RFX3: variants seen among roughly 807,000 people sequenced by gnomAD.
RFX3 encodes the protein regulatory factor X3.
RFX3 carries 14 observed loss-of-function variants against 98.6 expected under a neutral mutation model. The observed-to-expected ratio is 0.14, with a 90% CI of 0.09 to 0.22. The LOEUF (loss-of-function observed/expected upper bound fraction) is 0.22. Ranked by LOEUF, RFX3 falls within the 10% of genes least tolerant of loss-of-function variation. RFX3 has a pLI of 1.00. For synonymous variants in RFX3, 383 were observed against 328.4 expected, an observed-to-expected ratio of 1.17 and a Z score of -1.80; for missense variants, 639 against 926.9, an observed-to-expected ratio of 0.69 and a Z score of 4.03.
chr9:3,263,744 T>C (rs904630193), intron 12 of RFX3, among the ~76,000 whole-genome samples: 1 of 152,188 alleles, frequency 6.6e-6, no homozygotes, highest in East Asian at 1.9e-4. Context: ...CTTCATCTTG[T>C]TCTGTGCCCA....
intron 2 of RFX3, among the ~76,000 whole-genome samples, chr9:3,363,665 C>T (rs1563988491): frequency 6.6e-6 from 1 of 152,118 alleles, no homozygotes; most frequent in Non-Finnish European, 1.5e-5. Flanking sequence ...AAATGGTAGG[C>T]ATTTTTATCT....
At chr9:3,343,316 G>A (rs1475598247) in intron 3 of RFX3, among the ~76,000 whole-genome samples, 2 of 152,136 alleles carry the variant, frequency 1.3e-5, no homozygotes, top group South Asian at 2.1e-4. Flanking sequence ...CTATCTTCTG[G>A]AAGTATCATT....
At chr9:3,519,542 C>T (rs1587923621) in intron 1 of RFX3, among the ~76,000 whole-genome samples, 1 of 152,108 alleles carries the variant, frequency 6.6e-6, no homozygotes, top group African/African-American at 2.4e-5. Flanking sequence ...GAGCAAAGTA[C>T]GTTACATAAA....
chr9:3,476,967 G>C (rs901874648), intron 1 of RFX3, among the ~76,000 whole-genome samples: 1 of 152,190 alleles, frequency 6.6e-6, no homozygotes, highest in East Asian at 1.9e-4. Context: ...ATAAAATCTA[G>C]ATAACACACC....
At chr9:3,445,239 G>C (rs1292322444) in intron 1 of RFX3, among the ~76,000 whole-genome samples, 1 of 145,478 alleles carries the variant, frequency 6.9e-6, no homozygotes, top group Non-Finnish European at 1.6e-5. Context: ...CATAAAGTAA[G>C]TTATTATAAA....
At chr9:3,466,098 T>A (rs1212345749) in intron 1 of RFX3, among the ~76,000 whole-genome samples, 1 of 152,222 alleles carries the variant, frequency 6.6e-6, no homozygotes, top group Non-Finnish European at 1.5e-5. Context: ...AATGAGCAGT[T>A]TGAAAAGAAA....
At chr9:3,294,224 A>G (rs1304347226) in intron 5 of RFX3, among the ~76,000 whole-genome samples, 2 of 152,140 alleles carry the variant, frequency 1.3e-5, no homozygotes, top group Non-Finnish European at 2.9e-5. Flanking sequence ...TCCATGCCTG[A>G]GTCTGGTTTC....
At chr9:3,426,256 G>A (rs763430083) in intron 1 of RFX3, among the ~76,000 whole-genome samples, 2 of 150,178 alleles carry the variant, frequency 1.3e-5, no homozygotes, top group Non-Finnish European at 3.0e-5. Context: ...ACACAGTGAT[G>A]TTTCAATACA....
intron 6 of RFX3, 119 bp downstream of exon 6, chr9:3,292,958 C>T (rs1827577912): frequency 1.4e-6 from 1 of 734,268 alleles, no homozygotes; most frequent in African/African-American, 1.8e-5. Context: ...AAACTGAGCT[C>T]ATTCTATGTA....
intron 5 of RFX3, among the ~76,000 whole-genome samples, chr9:3,296,697 C>G (rs1175322312): frequency 6.6e-6 from 1 of 151,986 alleles, no homozygotes; most frequent in African/African-American, 2.4e-5. Context: ...GTATTCCTTG[C>G]CAGATGCCTG....
intron 13 of RFX3, among the ~76,000 whole-genome samples, chr9:3,258,512 A>T (rs190762381): frequency 1.6e-4 from 25 of 152,166 alleles, no homozygotes; most frequent in Admixed American, 1.2e-3. Flanking sequence ...TTATTTTCCC[A>T]GGGAAACCTA....
At chr9:3,424,971 T>C (rs1295010693) in intron 1 of RFX3, among the ~76,000 whole-genome samples, 1 of 152,200 alleles carries the variant, frequency 6.6e-6, no homozygotes, top group East Asian at 1.9e-4. Flanking sequence ...GGTTCATACC[T>C]GTAATCCCAG....
At chr9:3,367,260 A>G (rs1003253904) in intron 2 of RFX3, among the ~76,000 whole-genome samples, 6 of 152,246 alleles carry the variant, frequency 3.9e-5, no homozygotes, top group South Asian at 2.1e-4. Context: ...GTTGCTTTGA[A>G]AATGGAGGGG....
rs372428488 is a variant in RFX3 at position 3,402,612 on chromosome 9, A to C, written c.-8-7016T>G. Among the ~76,000 whole-genome samples the C allele has an allele frequency of 3.9e-4, 60 of 152,066 alleles. No homozygotes were observed. In the East Asian group the frequency reaches 0.01, roughly 26 times the overall value. ...TGCAGGTGAAAATTACTATTTTTAA[A>C]ACATAGAACCAAAATTATTGTAATT... is the stretch of plus-strand genomic sequence containing the variant. On this transcript the variant is annotated intron_variant, in intron 1 of 16. Coordinates refer to ENST00000617270, the MANE Select transcript of RFX3 (RefSeq NM_001282116.2).
intron 1 of RFX3, among the ~76,000 whole-genome samples, chr9:3,484,958 G>C (rs569706676): frequency 7.4e-5 from 11 of 149,392 alleles, no homozygotes; most frequent in Non-Finnish European, 1.6e-4. Context: ...AAAAAAAGCT[G>C]GGCATGATGA....
chr9:3,388,190 G>A (rs966887725), intron 2 of RFX3, among the ~76,000 whole-genome samples: 5 of 152,062 alleles, frequency 3.3e-5, no homozygotes, highest in Admixed American at 6.6e-5. Flanking sequence ...TGAAACTACG[G>A]TCTAAGAAAT....
intron 15 of RFX3, among the ~76,000 whole-genome samples, chr9:3,244,476 CTT>C (rs576575883): frequency 2.4e-3 from 364 of 152,266 alleles, no homozygotes; most frequent in Non-Finnish European, 3.5e-3. Flanking sequence ...AATTTTTCCT[CTT>C]GTCTGTTGCA....
At chr9:3,251,856 T>C (rs1821449224) in intron 14 of RFX3, among the ~76,000 whole-genome samples, 1 of 152,138 alleles carries the variant, frequency 6.6e-6, no homozygotes, top group South Asian at 2.1e-4. Flanking sequence ...TTTCTCTTTT[T>C]TTTGTTTTTG....
At chr9:3,501,161 G>C (rs575128063) in intron 1 of RFX3, among the ~76,000 whole-genome samples, 15 of 152,184 alleles carry the variant, frequency 9.9e-5, no homozygotes, top group Admixed American at 9.8e-4. Context: ...GCAAATTCCA[G>C]TTTTCTTGGA....
Sources: gnomAD v4.1 joint callset for allele counts (sites outside exome capture counted in the v4.1 genomes callset) on GRCh38, gnomAD v4.1.1 for gene constraint, MANE v1.5 for transcripts, NCBI Gene and HGNC (gene_info 2026-07-23, HGNC 2026-07-21) for gene names.